Variants in WDFY3 observed in about 807,000 individuals in gnomAD.
WDFY3 encodes the protein WD repeat and FYVE domain-containing protein 3.
A neutral mutation model predicts 409.6 loss-of-function variants in WDFY3; 66 were observed. The observed-to-expected ratio is 0.16, with a 90% CI of 0.13 to 0.20. The LOEUF (loss-of-function observed/expected upper bound fraction) is 0.20. WDFY3 is among the 10% of genes least tolerant of loss of function. The pLI, the probability that WDFY3 is intolerant of heterozygous loss-of-function variation, is 1.00. For missense variants in WDFY3, 3,031 were observed against 4,298.1 expected (o/e 0.71, Z 8.24); for synonymous variants, 1,521 against 1,537.1 (o/e 0.99, Z 0.25).
At chr4:84,888,951 T>C (rs1415474090) in intron 3 of WDFY3, among the ~76,000 whole-genome samples, 1 of 152,190 alleles carries the variant, frequency 6.6e-6, no homozygotes, top group Non-Finnish European at 1.5e-5. Flanking sequence ...CTTCTCTTCT[T>C]TACTTCTCTT....
chr4:84,768,021 T>C (rs1003034591), intron 30 of WDFY3, among the ~76,000 whole-genome samples: 10 of 152,144 alleles, frequency 6.6e-5, no homozygotes, highest in African/African-American at 2.4e-4. Context: ...AGGCCGAGGC[T>C]GCAGTGAGCC....
intron 24 of WDFY3, among the ~76,000 whole-genome samples, chr4:84,783,862 T>TACACACACACACAC (rs137878462): frequency 7.1e-5 from 10 of 140,938 alleles, no homozygotes; most frequent in South Asian, 2.3e-4. Context: ...GTGTCATACA[T>TACACACACACACAC]ACACACACAC....
rs772749868 is a variant in WDFY3 at position 84,884,341 on chromosome 4, T to C, written c.-32+12570A>G. Among the ~76,000 whole-genome samples, 17 of 152,118 alleles carry C rather than the reference T, an allele frequency of 1.1e-4. 1 individual carries two copies. The highest frequency in any genetic ancestry group is 5.9e-4 in the Admixed American group (9 of 15,258). On this transcript the variant is annotated intron_variant, in intron 3 of 67. Coordinates refer to ENST00000295888, the MANE Select transcript of WDFY3 (RefSeq NM_014991.6). ...TTTAATATTCACTTGATTTTAATTTTTGACTGATTTAAAAATGTTCATACC... is the reference window on the plus strand; with the variant it reads ...TTTAATATTCACTTGATTTTAATTTCTGACTGATTTAAAAATGTTCATACC...
chr4:84,777,556 G>T (rs1366835953), intron 27 of WDFY3, among the ~76,000 whole-genome samples: 1 of 152,048 alleles, frequency 6.6e-6, no homozygotes, highest in Non-Finnish European at 1.5e-5. Flanking sequence ...ACAGGCCATA[G>T]ATTTTTATTT....
intron 17 of WDFY3, 53 bp from the exon 18 acceptor site, chr4:84,798,161 C>T (rs910497376): frequency 1.4e-6 from 2 of 1,404,398 alleles, no homozygotes; most frequent in Non-Finnish European, 2.0e-6. Context: ...TTATATAATT[C>T]ATTAACCAAA....
chr4:84,957,413 G>C (rs1416324903), intron 1 of WDFY3, among the ~76,000 whole-genome samples: 2 of 152,074 alleles, frequency 1.3e-5, no homozygotes, highest in African/African-American at 2.4e-5. Context: ...AAAATGAGGG[G>C]TAAGTGACTC....
At chr4:84,806,856 C>T (rs368965867) in intron 15 of WDFY3, among the ~76,000 whole-genome samples, 8 of 152,172 alleles carry the variant, frequency 5.3e-5, no homozygotes, top group African/African-American at 1.7e-4. Context: ...GCAATCCACC[C>T]GCCTTGGCCT....
Position 84,735,065 on chromosome 4 carries a change from G to T in WDFY3, c.6971C>A (p.Thr2324Lys). 6.2e-7 allele frequency: 1 copy of T among 1,612,900 alleles called. No individual in the cohort carries two copies. The highest frequency in any genetic ancestry group is 8.5e-7 in the Non-Finnish European group (1 of 1,179,624). Residue 2324 changes from threonine to lysine, a missense_variant, in exon 43 of 68, where the codon ACA becomes AAA. Thr to Lys is a moderately conservative substitution (Grantham distance 78). Transcript: ENST00000295888. The part of the protein sequence containing the change: ...HIAVVRDLVD[T>K]QYKEYQERQQ... ...TACCTCCTGATATTCTTTATATTGT[G>T]TATCTACTAAGTCACGAACAACAGC...
At chr4:84,925,421 A>G (rs1012920907) in intron 2 of WDFY3, among the ~76,000 whole-genome samples, 2 of 152,152 alleles carry the variant, frequency 1.3e-5, no homozygotes, top group African/African-American at 4.8e-5. Flanking sequence ...GACAATGTGG[A>G]TTTTTACAAG....
chr4:84,961,653 A>C (rs990571592), intron 1 of WDFY3, among the ~76,000 whole-genome samples: 1 of 151,902 alleles, frequency 6.6e-6, no homozygotes, highest in Non-Finnish European at 1.5e-5. Context: ...CCCAAGCTAA[A>C]GAAAATTATT....
At position 84,690,619 on chromosome 4, in the gene WDFY3, A is replaced by G. The variant is rs1390507378; in HGVS notation, c.9250T>C (p.Cys3084Arg). ...ECLSEWGQILCAICPNPKLVI... is the reference protein window; with the variant it reads ...ECLSEWGQILRAICPNPKLVI... Reference sequence around the variant, plus strand: ...AGCTTGGGGTTGGGGCAGATTGCACAGAGAATCTGGCCCCACTCAGACAAG... The same window carrying G: ...AGCTTGGGGTTGGGGCAGATTGCACGGAGAATCTGGCCCCACTCAGACAAG... Residue 3084 changes from cysteine to arginine, a missense_variant, in exon 61 of 68, where the codon TGT becomes CGT. Physicochemically the swap from Cys to Arg is radical, Grantham distance 180 (BLOSUM62 -3). Coordinates refer to ENST00000295888, the MANE Select transcript of WDFY3 (RefSeq NM_014991.6). 1 of 1,614,036 alleles carries G rather than the reference A, an allele frequency of 6.2e-7. No individual in the cohort carries two copies. Among genetic ancestry groups the G allele is most frequent in the East Asian group, 2.2e-5 (1 of 44,888 alleles).
intron 2 of WDFY3, among the ~76,000 whole-genome samples, chr4:84,928,044 A>G (rs1284603341): frequency 6.6e-6 from 1 of 152,242 alleles, no homozygotes; most frequent in East Asian, 1.9e-4. Context: ...TTGACATTTC[A>G]GTCAGTGGAC....
intron 51 of WDFY3, among the ~76,000 whole-genome samples, chr4:84,711,891 T>C (rs1223068627): frequency 6.6e-6 from 1 of 151,924 alleles, no homozygotes; most frequent in Non-Finnish European, 1.5e-5. Flanking sequence ...TTAGCAAGTA[T>C]CTATTGAGAC....
At chr4:84,927,051 G>C (rs932211687) in intron 2 of WDFY3, among the ~76,000 whole-genome samples, 1 of 152,120 alleles carries the variant, frequency 6.6e-6, no homozygotes, top group African/African-American at 2.4e-5. Flanking sequence ...TCCAAATCTA[G>C]TGAGAGTTAA....
At chr4:84,779,055 AT>A (rs575425473) in intron 26 of WDFY3, among the ~76,000 whole-genome samples, 8 of 150,780 alleles carry the variant, frequency 5.3e-5, no homozygotes, top group Admixed American at 1.3e-4. Context: ...GTTATAAAGT[AT>A]TTTTTTTTGC....
At chr4:84,727,123 C>A (rs1037595121) in intron 44 of WDFY3, among the ~76,000 whole-genome samples, 8 of 152,120 alleles carry the variant, frequency 5.3e-5, no homozygotes, top group African/African-American at 1.9e-4. Context: ...AGCTTAAATA[C>A]GGCAAACGTC....
At chr4:84,819,516 T>G (rs1396664407) in intron 12 of WDFY3, among the ~76,000 whole-genome samples, 2 of 152,102 alleles carry the variant, frequency 1.3e-5, no homozygotes, top group East Asian at 3.8e-4. Context: ...AATTAAAATC[T>G]CAAGTAATCT....
chr4:84,869,021 AGTT>A (rs1761819234), intron 3 of WDFY3, among the ~76,000 whole-genome samples: 1 of 152,332 alleles, frequency 6.6e-6, no homozygotes, highest in East Asian at 1.9e-4. Context: ...AATACTGACA[AGTT>A]GTGCATTCTA....
chr4:84,749,820 T>C (rs1396081015), intron 36 of WDFY3, among the ~76,000 whole-genome samples: 5 of 152,200 alleles, frequency 3.3e-5, no homozygotes, highest in African/African-American at 4.8e-5. Flanking sequence ...TCCTACTCGC[T>C]AGTATATTGA....
Sources: gnomAD v4.1 joint callset for allele counts (sites outside exome capture counted in the v4.1 genomes callset) on GRCh38, gnomAD v4.1.1 for gene constraint, MANE v1.5 for transcripts, NCBI Gene and HGNC (gene_info 2026-07-23, HGNC 2026-07-21) for gene names.